CENPC: variants seen among roughly 807,000 people sequenced by gnomAD.
The protein encoded by CENPC is CENP-C 1.
CENPC carries 63 observed loss-of-function variants against 112.1 expected under a neutral mutation model. That is an observed-to-expected ratio of 0.56 (90% CI 0.46 to 0.69). CENPC has a LOEUF of 0.69. CENPC is among the 30% of genes least tolerant of loss of function. The pLI is 0.00. For synonymous variants in CENPC, 333 were observed against 367.6 expected (o/e 0.91, Z 1.08); for missense variants, 1,000 against 1,103.8 (o/e 0.91, Z 1.33).
chr4:67,490,643 T>C (rs1004209821), intron 16 of CENPC, among the ~76,000 whole-genome samples: 1 of 151,596 alleles, frequency 6.6e-6, no homozygotes, highest in African/African-American at 2.4e-5. Context: ...ATAATTTTTA[T>C]TAGGTAAAGT....
chr4:67,528,904 T>C (rs1436247205), intron 5 of CENPC, among the ~76,000 whole-genome samples: 1 of 152,214 alleles, frequency 6.6e-6, no homozygotes, highest in Non-Finnish European at 1.5e-5. Flanking sequence ...AATTGTTTTC[T>C]ATGGTGGCTG....
chr4:67,523,967 A>C (rs1726302002), intron 5 of CENPC, among the ~76,000 whole-genome samples: 2 of 152,088 alleles, frequency 1.3e-5, no homozygotes, highest in African/African-American at 4.8e-5. Flanking sequence ...TAACAAAATA[A>C]ACAGTAATGA....
chr4:67,517,484 A>G (rs1358048486), intron 7 of CENPC, among the ~76,000 whole-genome samples: 2 of 151,824 alleles, frequency 1.3e-5, no homozygotes, highest in Admixed American at 6.5e-5. Context: ...TAGTATATTC[A>G]CTAGCACTCT....
At chr4:67,491,363 C>A (rs1725253143) in intron 16 of CENPC, among the ~76,000 whole-genome samples, 1 of 148,770 alleles carries the variant, frequency 6.7e-6, no homozygotes, top group Non-Finnish European at 1.5e-5. Flanking sequence ...TCTGATTTGA[C>A]CTACTTCTCC....
intron 17 of CENPC, among the ~76,000 whole-genome samples, chr4:67,484,677 G>C (rs1423393602): frequency 1.3e-5 from 2 of 152,192 alleles, no homozygotes; most frequent in African/African-American, 4.8e-5. Flanking sequence ...GTGCCAAAAA[G>C]GATGGGGACC....
chr4:67,488,257 T>G (rs1221162951), intron 17 of CENPC, among the ~76,000 whole-genome samples: 3 of 149,292 alleles, frequency 2.0e-5, no homozygotes, highest in African/African-American at 7.7e-5. Flanking sequence ...ATGTGCTTAG[T>G]GCAGTACCTG....
intron 5 of CENPC, among the ~76,000 whole-genome samples, chr4:67,527,373 G>A (rs1021315469): frequency 2.0e-5 from 3 of 151,898 alleles, no homozygotes; most frequent in Non-Finnish European, 4.4e-5. Flanking sequence ...CAGCATACTG[G>A]CAGGAGAAAA....
At chr4:67,479,024 A>C (rs1291749117) in intron 17 of CENPC, among the ~76,000 whole-genome samples, 2 of 152,256 alleles carry the variant, frequency 1.3e-5, no homozygotes, top group Non-Finnish European at 2.9e-5. Flanking sequence ...AAAATATCAC[A>C]ATCCTAAATA....
At chr4:67,540,931 T>C in intron 3 of CENPC, 49 bp downstream of exon 3, 1 of 1,232,230 alleles carries the variant, frequency 8.1e-7, no homozygotes, top group East Asian at 2.4e-5. Flanking sequence ...GACAAATTCA[T>C]ATTTTCATCC....
chr4:67,540,974 CCTTA>C lies in CENPC; in HGVS notation c.136+2_136+5del. ...CCTTAAATTCCATCTTGAAATGAAG[CCTTA>C]CTTTTTTCTTCAAAACAGTCTTGTA... On this transcript the variant is annotated splice_donor_variant and splice_donor_5th_base_variant and intron_variant, in intron 3 of 18. Transcript: ENST00000273853. LOFTEE classifies it high-confidence loss of function. 1.9e-6 allele frequency: 3 copies of C among 1,595,382 alleles called. No homozygotes were observed. The highest frequency in any genetic ancestry group is 2.3e-5 in the South Asian group (2 of 88,422).
chr4:67,543,335 T>C (rs896119900), intron 2 of CENPC, among the ~76,000 whole-genome samples: 2 of 152,184 alleles, frequency 1.3e-5, no homozygotes, highest in African/African-American at 2.4e-5. Context: ...GAATATACTT[T>C]ATCTTAGTCT....
intron 12 of CENPC, among the ~76,000 whole-genome samples, chr4:67,499,235 C>T (rs1257432916): frequency 6.6e-6 from 1 of 152,214 alleles, no homozygotes; most frequent in Non-Finnish European, 1.5e-5. Context: ...TAGCCCTTAA[C>T]AAGAGAGTCA....
chr4:67,484,876 G>A (rs920973317), intron 17 of CENPC, among the ~76,000 whole-genome samples: 2 of 152,108 alleles, frequency 1.3e-5, no homozygotes, highest in Non-Finnish European at 2.9e-5. Context: ...GGCGGATCAC[G>A]AGGTCAGGAG....
chr4:67,510,832 T>C (rs1725873655), intron 9 of CENPC: 2 of 363,250 alleles, frequency 5.5e-6, no homozygotes, highest in South Asian at 2.2e-5. Context: ...GTTTAGACTA[T>C]ATGATATATA....
intron 9 of CENPC, among the ~76,000 whole-genome samples, chr4:67,511,725 T>C (rs1436680624): frequency 6.6e-6 from 1 of 152,156 alleles, no homozygotes; most frequent in Non-Finnish European, 1.5e-5. Context: ...GGAAAGATCT[T>C]GGGCACTAAG....
intron 12 of CENPC, among the ~76,000 whole-genome samples, chr4:67,504,247 C>T (rs940251132): frequency 6.6e-6 from 1 of 151,962 alleles, no homozygotes; most frequent in Non-Finnish European, 1.5e-5. Context: ...ACTACAATAA[C>T]ACTACATAGC....
At chr4:67,540,793 G>A (rs1052095505) in intron 3 of CENPC, among the ~76,000 whole-genome samples, 187 bp downstream of exon 3, 1 of 152,090 alleles carries the variant, frequency 6.6e-6, no homozygotes, top group South Asian at 2.1e-4. Flanking sequence ...ATTATTTTTT[G>A]TCAGTATTAT....
At chr4:67,502,213 C>T (rs1725609513) in intron 12 of CENPC, among the ~76,000 whole-genome samples, 2 of 151,998 alleles carry the variant, frequency 1.3e-5, no homozygotes, top group East Asian at 1.9e-4. Context: ...TGAGTCCTTG[C>T]TAGAATATGT....
rs1040882681 is a variant in CENPC, at chr4:67,544,070, T to C, written c.65+79A>G. On this transcript the variant is annotated intron_variant, in intron 2 of 18. Transcript: ENST00000273853. ...AAATCATTATATTAGTCAGAGGTGA[T>C]AGTTTTTCCTTTCTTCATTTAAAAA... 5.5e-5 allele frequency: 41 copies of C among 747,288 alleles called. No homozygotes were observed. In the African/African-American group the frequency reaches 6.5e-4, roughly 12 times the overall value. The allele number at this position is 747,288 out of a possible 1,614,324, so 46.3% of individuals were successfully genotyped here. A position where few individuals can be genotyped will look rare whatever the true frequency, so the allele number is the denominator to read the frequency against.
Sources: allele counts gnomAD v4.1 joint callset (sites outside exome capture counted in the v4.1 genomes callset), GRCh38; gene constraint gnomAD v4.1.1; transcripts MANE v1.5; gene names NCBI Gene and HGNC (gene_info 2026-07-23, HGNC 2026-07-21).